Variants in DLGAP1 observed in about 807,000 individuals in gnomAD.
The protein encoded by DLGAP1 is disks large-associated protein 1.
A neutral mutation model predicts 90.8 loss-of-function variants in DLGAP1; 11 were observed. The ratio of observed to expected loss-of-function variants is 0.12; its 90% CI spans 0.08 to 0.20. The LOEUF (loss-of-function observed/expected upper bound fraction) is 0.20. Ranked by LOEUF, DLGAP1 falls within the 10% of genes least tolerant of loss-of-function variation. DLGAP1 has a pLI of 1.00. For synonymous variants in DLGAP1, 558 were observed against 540.7 expected (o/e 1.03, Z -0.44); for missense variants, 1,050 against 1,333.8 (o/e 0.79, Z 3.31).
intron 2 of DLGAP1, among the ~76,000 whole-genome samples, chr18:4,065,724 G>A (rs7235114): frequency 0.43 from 65,868 of 151,694 alleles, 15,254 homozygotes; most frequent in African/African-American, 0.6. Context: ...AAAAATCAAT[G>A]TCATTAAAAT....
rs146495057 is a variant in DLGAP1, at chr18:3,760,788, C to T, written c.1173-18276G>A. ...CATTTGCGTAGGACCAAATTGATCA[C>T]CAAATCAATTACAACAATCCAGATA... On this transcript the variant is annotated intron_variant, in intron 5 of 12. Transcript: ENST00000315677. 1.9e-3 allele frequency among the ~76,000 whole-genome samples: 282 copies of T among 152,282 alleles called. 1 individual carries two copies. The highest frequency in any genetic ancestry group is 6.2e-3 in the African/African-American group (257 of 41,550).
At chr18:4,026,283 C>T (rs2149121700) in intron 2 of DLGAP1, among the ~76,000 whole-genome samples, 1 of 152,268 alleles carries the variant, frequency 6.6e-6, no homozygotes, top group African/African-American at 2.4e-5. Context: ...CTAAAAGGGT[C>T]ATACAGATGT....
chr18:4,447,054 G>C (rs2083684745), intron 1 of DLGAP1, among the ~76,000 whole-genome samples: 1 of 152,136 alleles, frequency 6.6e-6, no homozygotes, highest in African/African-American at 2.4e-5. Context: ...AAAACAAAAG[G>C]TGTTCTTATA....
At chr18:4,340,181 CAT>C (rs1203948026) in intron 1 of DLGAP1, among the ~76,000 whole-genome samples, 1 of 151,964 alleles carries the variant, frequency 6.6e-6, no homozygotes, top group Non-Finnish European at 1.5e-5. Context: ...TTATTAATGA[CAT>C]ATTATAAAAT....
chr18:3,571,401 G>A (rs1423054313), intron 8 of DLGAP1: 1 of 151,930 alleles, frequency 6.6e-6, no homozygotes, highest in Admixed American at 6.6e-5. Flanking sequence ...AACTTACTGT[G>A]GACACCCCAT....
chr18:3,742,314 C>G, intron 6 of DLGAP1, 21 bp downstream of exon 6: 6 of 1,609,756 alleles, frequency 3.7e-6, no homozygotes, highest in Non-Finnish European at 5.1e-6. Flanking sequence ...TCCTGACCAC[C>G]GCTGCCCTGA....
intron 4 of DLGAP1, among the ~76,000 whole-genome samples, chr18:3,861,726 T>C (rs1250492979): frequency 6.6e-6 from 1 of 152,244 alleles, no homozygotes; most frequent in Non-Finnish European, 1.5e-5. Context: ...TCTCAGCAGT[T>C]CTGCTTCTGT....
intron 5 of DLGAP1, among the ~76,000 whole-genome samples, chr18:3,745,176 G>A (rs181899614): frequency 1.3e-5 from 2 of 152,270 alleles, no homozygotes; most frequent in Admixed American, 6.5e-5. Context: ...CTAGAGCTGG[G>A]CGGGGAAAGC....
intron 8 of DLGAP1, among the ~76,000 whole-genome samples, chr18:3,570,984 G>T (rs2054748837): frequency 6.6e-6 from 1 of 150,918 alleles, no homozygotes; most frequent in Non-Finnish European, 1.5e-5. Flanking sequence ...AAAATCTCTA[G>T]GTTATTTTGG....
At chr18:3,554,931 C>T (rs990481304) in intron 9 of DLGAP1, among the ~76,000 whole-genome samples, 1 of 152,012 alleles carries the variant, frequency 6.6e-6, no homozygotes, top group Non-Finnish European at 1.5e-5. Flanking sequence ...CTTTTTCTCA[C>T]TTTTTGTTAG....
chr18:3,691,743 C>G (rs2060904829), intron 7 of DLGAP1, among the ~76,000 whole-genome samples: 1 of 152,006 alleles, frequency 6.6e-6, no homozygotes, highest in African/African-American at 2.4e-5. Context: ...GAAAAACCAT[C>G]TCTACAGAAA....
At chr18:4,416,187 G>T (rs77043667) in intron 1 of DLGAP1, among the ~76,000 whole-genome samples, 10 of 152,018 alleles carry the variant, frequency 6.6e-5, no homozygotes, top group African/African-American at 2.4e-4. Flanking sequence ...GAAGAACAAA[G>T]AATATGTTCA....
intron 3 of DLGAP1, among the ~76,000 whole-genome samples, chr18:3,937,197 A>C (rs368590897): frequency 2.0e-5 from 3 of 152,182 alleles, no homozygotes; most frequent in African/African-American, 7.2e-5. Flanking sequence ...CTTGCATAAC[A>C]TGATAACAAA....
chr18:4,250,301 G>C (rs776640528), intron 1 of DLGAP1, among the ~76,000 whole-genome samples: 2 of 152,100 alleles, frequency 1.3e-5, no homozygotes, highest in Non-Finnish European at 2.9e-5. Flanking sequence ...CATTACCCTT[G>C]GTATTTATAA....
intron 1 of DLGAP1, among the ~76,000 whole-genome samples, chr18:4,163,769 G>A (rs1332878365): frequency 2.0e-5 from 3 of 152,160 alleles, no homozygotes; most frequent in Admixed American, 6.5e-5. Flanking sequence ...GGAAAATGCC[G>A]TGAGAGAGTT....
At chr18:3,995,289 A>C (rs1193754447) in intron 3 of DLGAP1, 1 of 152,194 alleles carries the variant, frequency 6.6e-6, no homozygotes, top group South Asian at 2.1e-4. Context: ...TGCTGCAAAG[A>C]AGCCCGGGTG....
chr18:4,031,055 T>C (rs1486011719), intron 2 of DLGAP1, among the ~76,000 whole-genome samples: 3 of 152,120 alleles, frequency 2.0e-5, no homozygotes, highest in Non-Finnish European at 2.9e-5. Context: ...TGGCTCTGGG[T>C]CTCTTCTTTG....
chr18:3,845,396 G>C, intron 4 of DLGAP1: 2 of 1,406,936 alleles, frequency 1.4e-6, no homozygotes, highest in Non-Finnish European at 1.9e-6. Flanking sequence ...TTGGGGGTGG[G>C]GGGAGAGTGG....
chr18:3,534,707 T>C, intron 9 of DLGAP1, 92 bp from the exon 10 acceptor site: 1 of 1,263,042 alleles, frequency 7.9e-7, no homozygotes, highest in Non-Finnish European at 1.1e-6. Flanking sequence ...TTTTTTTTTT[T>C]TTTGACAGAG....
Sources: allele counts gnomAD v4.1 joint callset (sites outside exome capture counted in the v4.1 genomes callset), GRCh38; gene constraint gnomAD v4.1.1; transcripts MANE v1.5; gene names NCBI Gene and HGNC (gene_info 2026-07-23, HGNC 2026-07-21).